GPR158: variants seen among roughly 807,000 people sequenced by gnomAD.
GPR158 encodes the protein G protein-coupled receptor 158.
A neutral mutation model predicts 78.2 loss-of-function variants in GPR158; 30 were observed. The ratio of observed to expected loss-of-function variants is 0.38; its 90% confidence interval spans 0.29 to 0.52. The LOEUF (loss-of-function observed/expected upper bound fraction) is 0.52. GPR158 is among the 20% of genes least tolerant of loss of function. The pLI is 0.83. For synonymous variants in GPR158, 581 were observed against 591.1 expected (o/e 0.98, Z 0.25); for missense variants, 1,463 against 1,523.5 (o/e 0.96, Z 0.66).
intron 6 of GPR158, among the ~76,000 whole-genome samples, chr10:25,552,138 C>T (rs1032937920): frequency 6.6e-6 from 1 of 152,076 alleles, no homozygotes; most frequent in Non-Finnish European, 1.5e-5. Context: ...CGGTAAAGTA[C>T]AAAGGATATT....
At chr10:25,399,270 G>T (rs1300371564) in intron 3 of GPR158, among the ~76,000 whole-genome samples, 5 of 152,118 alleles carry the variant, frequency 3.3e-5, no homozygotes, top group African/African-American at 1.2e-4. Flanking sequence ...ACCTGTTCCT[G>T]CCCTTAACAC....
chr10:25,218,812 A>G (rs1012966666), intron 1 of GPR158, among the ~76,000 whole-genome samples: 4 of 151,822 alleles, frequency 2.6e-5, no homozygotes, highest in East Asian at 3.9e-4. Flanking sequence ...AAATTTTTCT[A>G]TTTCATCCCC....
intron 5 of GPR158, among the ~76,000 whole-genome samples, chr10:25,472,275 A>G (rs376090108): frequency 2.0e-5 from 3 of 151,550 alleles, no homozygotes; most frequent in African/African-American, 7.3e-5. Context: ...ATGGTTGTAG[A>G]TGTGTGGTAT....
At chr10:25,538,961 T>C (rs1836538571) in intron 5 of GPR158, among the ~76,000 whole-genome samples, 2 of 152,208 alleles carry the variant, frequency 1.3e-5, no homozygotes, top group South Asian at 4.1e-4. Context: ...GAATGGGCTG[T>C]TTCCATGAAG....
At chr10:25,334,370 C>T (rs1855168719) in intron 2 of GPR158, among the ~76,000 whole-genome samples, 2 of 152,116 alleles carry the variant, frequency 1.3e-5, no homozygotes, top group South Asian at 4.1e-4. Flanking sequence ...TCTGTTATTG[C>T]TATTTTCTCA....
rs140279175 is a variant in GPR158 at position 25,601,692 on chromosome 10, T to A, written c.*2418T>A. 39 of 152,754 alleles carry A rather than the reference T, an allele frequency of 2.6e-4. No individual in the cohort carries two copies. The highest frequency in any genetic ancestry group is 8.7e-4 in the African/African-American group (36 of 41,584). The allele number at this position is 152,754 out of a possible 1,614,324, so 9.5% of individuals were successfully genotyped here. A position where few individuals can be genotyped will look rare whatever the true frequency, so the allele number is the denominator to read the frequency against. On this transcript the variant is annotated 3_prime_UTR_variant, in exon 11 of 11. Coordinates refer to ENST00000376351, the MANE Select transcript of GPR158 (RefSeq NM_020752.3). ...ATTATCAACAAGAGAAGTTGAAATT[T>A]ACAAGTCAGGAGGTTATTTTTCCAG...
chr10:25,184,196 T>A (rs1208179113), intron 1 of GPR158, among the ~76,000 whole-genome samples: 1 of 152,216 alleles, frequency 6.6e-6, no homozygotes, highest in Non-Finnish European at 1.5e-5. Flanking sequence ...TAAATTTTTT[T>A]ATTTTTTATT....
At chr10:25,213,409 T>G (rs1287455505) in intron 1 of GPR158, among the ~76,000 whole-genome samples, 4 of 152,202 alleles carry the variant, frequency 2.6e-5, no homozygotes, top group Non-Finnish European at 5.9e-5. Flanking sequence ...TTCTCATTTA[T>G]TTTGAATTTT....
intron 2 of GPR158, among the ~76,000 whole-genome samples, chr10:25,320,245 T>C (rs1308079531): frequency 6.6e-6 from 1 of 152,198 alleles, no homozygotes; most frequent in Non-Finnish European, 1.5e-5. Flanking sequence ...TCCTCCTTTT[T>C]CTACTTCTGT....
At chr10:25,524,781 T>C (rs1411062020) in intron 5 of GPR158, among the ~76,000 whole-genome samples, 2 of 152,194 alleles carry the variant, frequency 1.3e-5, no homozygotes, top group Admixed American at 6.5e-5. Context: ...ATGAAATACA[T>C]AGTTGATCTT....
intron 2 of GPR158, among the ~76,000 whole-genome samples, chr10:25,288,693 G>A (rs1387666346): frequency 6.6e-6 from 1 of 152,138 alleles, no homozygotes; most frequent in Non-Finnish European, 1.5e-5. Flanking sequence ...CATTCAGGCA[G>A]GGAACAAAGT....
intron 2 of GPR158, among the ~76,000 whole-genome samples, chr10:25,372,118 C>A (rs1834003521): frequency 1.3e-5 from 2 of 151,226 alleles, no homozygotes; most frequent in African/African-American, 2.4e-5. Context: ...TGCTCATCAT[C>A]ACTGGCCATC....
intron 7 of GPR158, among the ~76,000 whole-genome samples, chr10:25,574,125 A>G (rs1837053463): frequency 8.4e-6 from 1 of 118,748 alleles, no homozygotes; most frequent in African/African-American, 3.6e-5. Context: ...AAAGGCCACT[A>G]GTTTTTATTT....
rs747271068 is a variant in GPR158, at chr10:25,596,719, C to G, written c.2075C>G (p.Ser692Cys). ...GAGGATGAGCTAGACATGGGCCGATCTGGATCCTACCTGAACAGCAGTATC... is the reference window on the plus strand; with the variant it reads ...GAGGATGAGCTAGACATGGGCCGATGTGGATCCTACCTGAACAGCAGTATC... ...AYEDELDMGR[S>C]GSYLNSSINS... is the part of the protein sequence containing the mutation. The change falls in exon 10 of 11, where the codon TCT (serine) becomes TGT (cysteine). Residue 692 changes from serine to cysteine, a missense_variant. By Grantham distance (112) the Ser-to-Cys change is moderately radical. Coordinates refer to ENST00000376351, the MANE Select transcript of GPR158 (RefSeq NM_020752.3). 1.9e-6 allele frequency: 3 copies of G among 1,613,494 alleles called. No homozygotes were observed. The highest frequency in any genetic ancestry group is 1.3e-5 in the African/African-American group (1 of 74,878).
In GPR158 at chr10:25,175,919, G is replaced by A. The variant is rs199832541; in HGVS notation, c.499G>A (p.Gly167Ser). Residue 167 changes from glycine (G) to serine (S), a missense_variant, in exon 1 of 11, where the codon GGC becomes AGC. Gly to Ser is a moderately conservative substitution (Grantham distance 56). Coordinates refer to ENST00000376351, the MANE Select transcript of GPR158 (RefSeq NM_020752.3). The surrounding 1 kb of genome is among the most constrained non-coding windows in gnomAD (Gnocchi z 6.4). ...GGCGCTGGTGTGGAGCCTTCTGGAG[G>A]GCGAGCCCAGCATCTCCCGGGCGGC... ...YQALVWSLLE[G>S]EPSISRAAIT... 2 of 1,613,686 alleles carry A rather than the reference G, an allele frequency of 1.2e-6. No homozygotes were observed. The highest frequency in any genetic ancestry group is 1.3e-5 in the African/African-American group (1 of 75,048).
intron 4 of GPR158, among the ~76,000 whole-genome samples, chr10:25,436,635 T>G (rs1835002071): frequency 6.6e-6 from 1 of 152,220 alleles, no homozygotes; most frequent in Admixed American, 6.5e-5. Context: ...TCAGGGATAC[T>G]ACTGCGTGAT....
intron 2 of GPR158, among the ~76,000 whole-genome samples, chr10:25,252,458 G>A (rs1588759467): frequency 6.6e-6 from 1 of 151,736 alleles, no homozygotes; most frequent in Non-Finnish European, 1.5e-5. Context: ...TCTACTTTTG[G>A]TCTTTGATGA....
intron 1 of GPR158, among the ~76,000 whole-genome samples, chr10:25,185,193 T>C (rs1852664867): frequency 6.6e-6 from 1 of 152,212 alleles, no homozygotes; most frequent in African/African-American, 2.4e-5. Context: ...ACTCTGGGAC[T>C]ATCCCTATTT....
At chr10:25,204,551 G>A (rs937213037) in intron 1 of GPR158, among the ~76,000 whole-genome samples, 3 of 152,078 alleles carry the variant, frequency 2.0e-5, no homozygotes, top group African/African-American at 7.2e-5. Flanking sequence ...ATGCTGGATT[G>A]CATTTATTGA....
Sources: gnomAD v4.1 joint callset for allele counts (sites outside exome capture counted in the v4.1 genomes callset) on GRCh38, gnomAD v4.1.1 for gene constraint, Gnocchi (gnomAD v3.1) non-coding constraint, MANE v1.5 for transcripts, NCBI Gene and HGNC (gene_info 2026-07-23, HGNC 2026-07-21) for gene names.